Variants in DCDC2 observed in about 807,000 individuals in gnomAD.
The protein encoded by DCDC2 is doublecortin domain containing 2, also known as doublecortin domain-containing protein 2.
A neutral mutation model predicts 50.2 loss-of-function variants in DCDC2; 40 were observed. The observed-to-expected ratio is 0.80, with a 90% confidence interval of 0.62 to 1.04. The LOEUF (loss-of-function observed/expected upper bound fraction) is 1.04, where lower values mean the gene tolerates loss of function less well. DCDC2 is among the 50% of genes least tolerant of loss of function. The pLI is 0.00. For missense variants in DCDC2, 570 were observed against 581.9 expected, an observed-to-expected ratio of 0.98 and a Z score of 0.21; for synonymous variants, 234 against 210.6, an observed-to-expected ratio of 1.11 and a Z score of -0.96.
At chr6:24,357,350 C>G in intron 1 of DCDC2, 108 bp downstream of exon 1, 2 of 1,332,000 alleles carry the variant, frequency 1.5e-6, no homozygotes, top group Non-Finnish European at 2.0e-6. Context: ...CGAGAAGTCA[C>G]AGCCCCTCAA....
chr6:24,335,673 A>G (rs1760044986), intron 2 of DCDC2, among the ~76,000 whole-genome samples: 1 of 152,184 alleles, frequency 6.6e-6, no homozygotes, highest in Non-Finnish European at 1.5e-5. Context: ...ATTAACTCAC[A>G]GTTCTGCATG....
At chr6:24,207,256 T>TTCTC (rs60603298) in intron 7 of DCDC2, among the ~76,000 whole-genome samples, 7,970 of 129,562 alleles carry the variant, frequency 0.062, 481 homozygotes, top group African/African-American at 0.15. Context: ...CCATCTATCT[T>TTCTC]TCTCTCTCTC....
At chr6:24,205,194 A>G in intron 7 of DCDC2, 92 bp from the exon 8 acceptor site, 1 of 1,613,900 alleles carries the variant, frequency 6.2e-7, no homozygotes. Flanking sequence ...TATTTTTAAT[A>G]GACATTTGGA....
intron 2 of DCDC2, among the ~76,000 whole-genome samples, chr6:24,316,699 A>T (rs1420850913): frequency 6.6e-6 from 1 of 152,196 alleles, no homozygotes; most frequent in African/African-American, 2.4e-5. Flanking sequence ...ATCCTTTGAC[A>T]GTAAATGTCT....
intron 7 of DCDC2, among the ~76,000 whole-genome samples, chr6:24,265,809 A>G (rs1254679065): frequency 6.6e-6 from 1 of 151,926 alleles, no homozygotes; most frequent in Non-Finnish European, 1.5e-5. Flanking sequence ...AAAAAAGTAA[A>G]AAAAAAAAAA....
At chr6:24,329,644 T>C (rs946858800) in intron 2 of DCDC2, among the ~76,000 whole-genome samples, 3 of 152,212 alleles carry the variant, frequency 2.0e-5, no homozygotes, top group African/African-American at 4.8e-5. Flanking sequence ...CCATGATTCA[T>C]CTAAGTTTTG....
chr6:24,282,011 C>T (rs1029263671), intron 6 of DCDC2, among the ~76,000 whole-genome samples: 4 of 151,976 alleles, frequency 2.6e-5, no homozygotes, highest in African/African-American at 9.7e-5. Context: ...AACAGCCATC[C>T]CAGAAGTAAC....
chr6:24,184,530 C>T (rs1020929480), intron 8 of DCDC2, among the ~76,000 whole-genome samples: 4 of 151,598 alleles, frequency 2.6e-5, no homozygotes, highest in Non-Finnish European at 4.4e-5. Flanking sequence ...GAGATTGCAC[C>T]ACTGCACTCC....
rs976266890 is a variant in DCDC2, at chr6:24,271,329, C to G, written c.922+6720G>C. ...GAAAAGGCTGTGAAACTTGTCAGAG[C>G]CCCTGGTAAGGCAAGAAGCAAAGAG... is the stretch of plus-strand genomic sequence containing the variant. On this transcript the variant is annotated intron_variant, in intron 7 of 9. Coordinates refer to ENST00000378454, the MANE Select transcript of DCDC2 (RefSeq NM_016356.5). Among the ~76,000 whole-genome samples the G allele has an allele frequency of 3.3e-5, 5 of 151,856 alleles. No homozygotes were observed. The South Asian group carries it at 6.2e-4, about 19-fold the overall frequency.
the DCDC2 span, among the ~76,000 whole-genome samples, chr6:24,373,358 TAATA>T: frequency 6.6e-6 from 1 of 152,156 alleles, no homozygotes; most frequent in Non-Finnish European, 1.5e-5. Flanking sequence ...TAGAACGGAT[TAATA>T]AATAATGATA....
At chr6:24,234,677 G>A (rs1042920752) in intron 7 of DCDC2, among the ~76,000 whole-genome samples, 8 of 152,196 alleles carry the variant, frequency 5.3e-5, no homozygotes, top group Non-Finnish European at 1.0e-4. Context: ...CATTAAGATT[G>A]TGTCTAGATT....
chr6:24,260,973 G>A (rs1432928654), intron 7 of DCDC2, among the ~76,000 whole-genome samples: 3 of 152,302 alleles, frequency 2.0e-5, no homozygotes, highest in East Asian at 3.9e-4. Context: ...TTTTATTTAA[G>A]AGAAACAGTC....
At chr6:24,188,326 T>C (rs1293068078) in intron 8 of DCDC2, among the ~76,000 whole-genome samples, 1 of 151,474 alleles carries the variant, frequency 6.6e-6, no homozygotes, top group Non-Finnish European at 1.5e-5. Context: ...CCTGAAATCA[T>C]GCCTCTTTAA....
At position 24,327,451 on chromosome 6, in the gene DCDC2, AACTTATTT is replaced by A. The variant is rs1350045872; in HGVS notation, c.349-25415_349-25408del. ...CCACTTTTAGTCAATCAACATTATA[AACTTATTT>A]ATTTATTTATTTATTTATTTATTTA... On this transcript the variant is annotated intron_variant, in intron 2 of 9. Transcript: ENST00000378454. Among the ~76,000 whole-genome samples, 32 of 83,804 alleles carry A rather than the reference AACTTATTT, an allele frequency of 3.8e-4. 6 individuals carry two copies. In the East Asian group the frequency reaches 9.7e-3, roughly 25 times the overall value. 55.0% of individuals were successfully genotyped at this position (83,804 alleles called of 152,430 possible). A position where few individuals can be genotyped will look rare whatever the true frequency, so the allele number is the denominator to read the frequency against.
At chr6:24,234,694 A>C (rs1017864982) in intron 7 of DCDC2, among the ~76,000 whole-genome samples, 2 of 152,200 alleles carry the variant, frequency 1.3e-5, no homozygotes, top group African/African-American at 4.8e-5. Flanking sequence ...GATTTCAGGC[A>C]TAAGTAGATA....
chr6:24,311,482 A>G (rs939137526), intron 2 of DCDC2, among the ~76,000 whole-genome samples: 1 of 152,200 alleles, frequency 6.6e-6, no homozygotes, highest in Middle Eastern at 3.2e-3. Flanking sequence ...ATTTTTGAGC[A>G]TATATTATGC....
intron 7 of DCDC2, among the ~76,000 whole-genome samples, chr6:24,272,670 G>C (rs1487303205): frequency 6.6e-6 from 1 of 152,136 alleles, no homozygotes; most frequent in Admixed American, 6.5e-5. Context: ...TGAGATATCA[G>C]CTTACACCAG....
chr6:24,258,551 A>C (rs567048831), intron 7 of DCDC2, among the ~76,000 whole-genome samples: 340 of 152,250 alleles, frequency 2.2e-3, no homozygotes, highest in African/African-American at 7.5e-3. Flanking sequence ...CCAAGTCCCC[A>C]CCCGACCCAG....
intron 8 of DCDC2, among the ~76,000 whole-genome samples, chr6:24,193,566 A>G (rs1761355733): frequency 6.6e-6 from 1 of 152,214 alleles, no homozygotes; most frequent in Non-Finnish European, 1.5e-5. Context: ...GTGAAAAAAT[A>G]GGTAATTATT....
Sources: gnomAD v4.1 joint callset for allele counts (sites outside exome capture counted in the v4.1 genomes callset) on GRCh38, gnomAD v4.1.1 for gene constraint, MANE v1.5 for transcripts, NCBI Gene and HGNC (gene_info 2026-07-23, HGNC 2026-07-21) for gene names.